The following SMC6 variants were observed in gnomAD, a reference collection of about 807,000 sequenced individuals.
SMC6 encodes structural maintenance of chromosomes 6, also known as structural maintenance of chromosomes protein 6.
A neutral mutation model predicts 142.2 loss-of-function variants in SMC6; 79 were observed. The observed-to-expected ratio is 0.56, with a 90% CI of 0.46 to 0.67. The LOEUF (loss-of-function observed/expected upper bound fraction) is 0.67, where lower values mean the gene tolerates loss of function less well. SMC6 is among the 30% of genes least tolerant of loss of function. The pLI, the probability that SMC6 is intolerant of heterozygous loss-of-function variation, is 0.00. For missense variants in SMC6, 1,072 were observed against 1,284.0 expected, an observed-to-expected ratio of 0.83 and a Z score of 2.52; for synonymous variants, 411 against 412.4, an observed-to-expected ratio of 1.00 and a Z score of 0.04.
At position 17,665,442 on chromosome 2, in the gene SMC6, AT is replaced by A. The variant is rs1343873792; in HGVS notation, c.*56del. 6.0e-5 allele frequency: 73 copies of A among 1,222,490 alleles called. No homozygotes were observed. Among genetic ancestry groups the A allele is most frequent in the South Asian group, 1.1e-4 (7 of 64,224 alleles). 75.7% of individuals were successfully genotyped at this position (1,222,490 alleles called of 1,614,324 possible). ...ATTTTATTATATCAAAGAGTCCAGA[AT>A]TTTTTTTCCCTTCACAAATCCTTCA... On this transcript the variant is annotated 3_prime_UTR_variant, in exon 28 of 28. Transcript: ENST00000448223.
At chr2:17,688,123 T>G (rs943993892) in intron 23 of SMC6, among the ~76,000 whole-genome samples, 6 of 152,204 alleles carry the variant, frequency 3.9e-5, no homozygotes, top group African/African-American at 1.4e-4. Context: ...TTAATTCTGT[T>G]AACTGAAAGG....
chr2:17,717,709 C>T (rs1199233918), intron 12 of SMC6, among the ~76,000 whole-genome samples: 1 of 151,422 alleles, frequency 6.6e-6, no homozygotes, highest in Non-Finnish European at 1.5e-5. Context: ...AGGCTGGGTG[C>T]AGAGGTTCAC....
chr2:17,718,360 T>C, intron 11 of SMC6, 137 bp from the exon 12 acceptor site: 1 of 496,548 alleles, frequency 2.0e-6, no homozygotes, highest in Middle Eastern at 5.4e-4. Context: ...TAACATAACA[T>C]TATATAAAAT....
intron 19 of SMC6, among the ~76,000 whole-genome samples, chr2:17,702,553 C>G (rs1430684802): frequency 1.3e-5 from 2 of 151,962 alleles, no homozygotes; most frequent in Non-Finnish European, 2.9e-5. Flanking sequence ...TTTCTGTTAA[C>G]TAAGTTTATT....
intron 9 of SMC6, among the ~76,000 whole-genome samples, chr2:17,724,886 T>C (rs1406544746): frequency 6.6e-6 from 1 of 152,206 alleles, no homozygotes; most frequent in Admixed American, 6.5e-5. Flanking sequence ...TTGTGCTTAT[T>C]ATCCCAGCAG....
At chr2:17,720,125 T>G (rs1669296826) in intron 11 of SMC6, among the ~76,000 whole-genome samples, 1 of 152,188 alleles carries the variant, frequency 6.6e-6, no homozygotes, top group Non-Finnish European at 1.5e-5. Context: ...ACCTTGTGAG[T>G]ATACTAAAAC....
At chr2:17,703,374 C>T (rs1179820449) in intron 18 of SMC6, 82 bp from the exon 19 acceptor site, 2 of 1,300,386 alleles carry the variant, frequency 1.5e-6, no homozygotes, top group Non-Finnish European at 2.1e-6. Flanking sequence ...ACAAAGAAAG[C>T]CTTATTTATA....
chr2:17,665,644 T>G (rs1338737789), intron 27 of SMC6, 31 bp from the exon 28 acceptor site: 1 of 1,388,864 alleles, frequency 7.2e-7, no homozygotes, highest in Non-Finnish European at 1.0e-6. Flanking sequence ...TACTCAAATT[T>G]CCAAGAAACC....
chr2:17,668,308 C>T (rs1666596487), intron 26 of SMC6, among the ~76,000 whole-genome samples: 2 of 152,152 alleles, frequency 1.3e-5, no homozygotes. Context: ...ATATCTAACC[C>T]ATTTTCAGCA....
Position 17,717,182 on chromosome 2 carries a change from C to CA in SMC6, c.1093-7dup. ...AAGGATCGGTTATATAAAACCTAACCAAAAAAATTAGACACACTTTACAAA... is the reference window on the plus strand; with the variant it reads ...AAGGATCGGTTATATAAAACCTAACCAAAAAAAATTAGACACACTTTACAAA... On this transcript the variant is annotated splice_region_variant and splice_polypyrimidine_tract_variant and intron_variant, in intron 12 of 27. Coordinates refer to ENST00000448223, the MANE Select transcript of SMC6 (RefSeq NM_001142286.2). The CA allele has an allele frequency of 1.3e-6, 2 of 1,583,876 alleles. No individual in the cohort carries two copies. Among genetic ancestry groups the CA allele is most frequent in the Admixed American group, 1.8e-5 (1 of 54,054 alleles).
At position 17,721,729 on chromosome 2, in the gene SMC6, C is replaced by G. The variant is rs1669383251; in HGVS notation, c.727-468G>C. Among the ~76,000 whole-genome samples the G allele has an allele frequency of 2.0e-5, 3 of 149,284 alleles. No homozygotes were observed. In the South Asian group the frequency reaches 6.3e-4, roughly 31 times the overall value. ...TTTTTTTTTTTGAGACAGAGTCTCA[C>G]TCTGTTACCAGGCTGGAGTGCAGTG... On this transcript the variant is annotated intron_variant, in intron 9 of 27. Transcript: ENST00000448223.
chr2:17,732,766 A>G (rs556103726), intron 5 of SMC6, among the ~76,000 whole-genome samples: 2 of 152,286 alleles, frequency 1.3e-5, no homozygotes, highest in African/African-American at 4.8e-5. Flanking sequence ...TTAAAAAGAC[A>G]TATTTTAAAA....
At chr2:17,672,682 T>A (rs1051695925) in intron 25 of SMC6, among the ~76,000 whole-genome samples, 4 of 152,214 alleles carry the variant, frequency 2.6e-5, no homozygotes, top group Non-Finnish European at 5.9e-5. Flanking sequence ...CTTTTGTACA[T>A]ATACTTCAGA....
intron 23 of SMC6, among the ~76,000 whole-genome samples, chr2:17,687,462 G>A (rs1239489688): frequency 2.0e-5 from 3 of 152,152 alleles, no homozygotes; most frequent in Non-Finnish European, 4.4e-5. Context: ...GAACTGATAT[G>A]GAGTGATCTT....
chr2:17,680,298 C>T (rs981338760), intron 24 of SMC6: 1 of 152,158 alleles, frequency 6.6e-6, no homozygotes, highest in Non-Finnish European at 1.5e-5. Flanking sequence ...CAGACTACCA[C>T]AAAAAAGGCG....
chr2:17,685,317 A>T (rs1416542404), intron 23 of SMC6, among the ~76,000 whole-genome samples: 2 of 152,176 alleles, frequency 1.3e-5, no homozygotes, highest in African/African-American at 4.8e-5. Context: ...CAATGAAAAA[A>T]ATCACTGAAT....
At chr2:17,665,850 G>A (rs888660697) in intron 27 of SMC6, among the ~76,000 whole-genome samples, 13 of 152,150 alleles carry the variant, frequency 8.5e-5, no homozygotes, top group Non-Finnish European at 1.9e-4. Flanking sequence ...AAAAGAAAAT[G>A]AAAGAGATTT....
chr2:17,685,202 C>T (rs1478767448), intron 23 of SMC6, among the ~76,000 whole-genome samples: 2 of 145,548 alleles, frequency 1.4e-5, no homozygotes, highest in African/African-American at 5.1e-5. Context: ...CTAAAGACCT[C>T]AAAAAAAAAC....
At chr2:17,702,842 C>T (rs1668336493) in intron 19 of SMC6, among the ~76,000 whole-genome samples, 1 of 152,130 alleles carries the variant, frequency 6.6e-6, no homozygotes, top group South Asian at 2.1e-4. Context: ...TGAGGCCTCC[C>T]CAACCATGTG....
Sources: allele counts gnomAD v4.1 joint callset (sites outside exome capture counted in the v4.1 genomes callset), GRCh38; gene constraint gnomAD v4.1.1; transcripts MANE v1.5; gene names NCBI Gene and HGNC (gene_info 2026-07-23, HGNC 2026-07-21).